NEDD4L: variants seen among roughly 807,000 people sequenced by gnomAD.
NEDD4L encodes the protein E3 ubiquitin-protein ligase NEDD4-like.
A neutral mutation model predicts 148.9 loss-of-function variants in NEDD4L; 54 were observed. The ratio of observed to expected loss-of-function variants is 0.36; its 90% confidence interval spans 0.29 to 0.45. NEDD4L has a LOEUF of 0.45. NEDD4L is among the 20% of genes least tolerant of loss of function. The pLI is 1.00. For synonymous variants in NEDD4L, 433 were observed against 440.7 expected (o/e 0.98, Z 0.22); for missense variants, 856 against 1,233.8 (o/e 0.69, Z 4.59).
At chr18:58,249,726 C>T (rs1431499602) in intron 4 of NEDD4L, among the ~76,000 whole-genome samples, 1 of 152,218 alleles carries the variant, frequency 6.6e-6, no homozygotes, top group Admixed American at 6.5e-5. Flanking sequence ...CCAGTATTGC[C>T]ATGAGGCCCA....
intron 1 of NEDD4L, among the ~76,000 whole-genome samples, chr18:58,079,741 T>G (rs946494417): frequency 6.6e-6 from 1 of 152,086 alleles, no homozygotes; most frequent in Non-Finnish European, 1.5e-5. Flanking sequence ...GGACTGGGAT[T>G]GTGGAGGTTT....
At chr18:58,145,411 T>C (rs893193177) in intron 1 of NEDD4L, among the ~76,000 whole-genome samples, 7 of 152,214 alleles carry the variant, frequency 4.6e-5, no homozygotes, top group Non-Finnish European at 8.8e-5. Context: ...CCTTGCTTGA[T>C]AGATACAGCT....
At chr18:58,367,111 A>T (rs537927828) in intron 21 of NEDD4L, 1 of 152,296 alleles carries the variant, frequency 6.6e-6, no homozygotes, top group Admixed American at 6.5e-5. Flanking sequence ...TCTTCTCCAC[A>T]TTTTCAAAGA....
chr18:58,108,474 G>T lies in NEDD4L; in HGVS notation c.49-57314G>T, dbSNP rs1028150768. ...TTCACTGTGTCGCCCAGGCTGGAGT[G>T]CAGTGGTGCGATCTCAGCTCACTGC... On this transcript the variant is annotated intron_variant, in intron 1 of 30. Transcript: ENST00000400345. 2.0e-5 allele frequency among the ~76,000 whole-genome samples: 3 copies of T among 152,268 alleles called. No homozygotes were observed. In the South Asian group the frequency reaches 6.2e-4, roughly 32 times the overall value.
chr18:58,142,874 T>A (rs2033701808), intron 1 of NEDD4L, among the ~76,000 whole-genome samples: 1 of 152,210 alleles, frequency 6.6e-6, no homozygotes, highest in African/African-American at 2.4e-5. Context: ...ATTAAGGGTC[T>A]TTATCTCAGA....
chr18:58,389,050 A>T, intron 27 of NEDD4L, 35 bp from the exon 28 acceptor site: 16 of 1,568,054 alleles, frequency 1.0e-5, no homozygotes, highest in Non-Finnish European at 1.4e-5. Flanking sequence ...CACCTTTCAC[A>T]TCCTGCTTTT....
At chr18:58,380,125 A>C (rs2146589709) in intron 24 of NEDD4L, among the ~76,000 whole-genome samples, 1 of 152,088 alleles carries the variant, frequency 6.6e-6, no homozygotes, top group South Asian at 2.1e-4. Context: ...AAATAAAGCC[A>C]GTATAATAAA....
At chr18:58,101,386 C>G (rs1294893949) in intron 1 of NEDD4L, among the ~76,000 whole-genome samples, 1 of 152,176 alleles carries the variant, frequency 6.6e-6, no homozygotes, top group Non-Finnish European at 1.5e-5. Context: ...GAACTCAGAA[C>G]AAGGCTTTTG....
intron 1 of NEDD4L, among the ~76,000 whole-genome samples, chr18:58,094,011 C>T (rs1374358042): frequency 2.0e-5 from 3 of 152,078 alleles, no homozygotes; most frequent in Non-Finnish European, 1.5e-5. Context: ...TTCCTCATTA[C>T]ACTGCCACAG....
At position 58,256,824 on chromosome 18, in the gene NEDD4L, T is replaced by G. The variant is rs1443970866; in HGVS notation, c.297+4770T>G. 3.3e-6 allele frequency: 4 copies of G among 1,223,176 alleles called. No homozygotes were observed. In the African/African-American group the frequency reaches 6.2e-5, roughly 19 times the overall value. The allele number at this position is 1,223,176 out of a possible 1,614,324, so 75.8% of individuals were successfully genotyped here. ...TGTTTACTGATTTCAACTTCGATGC[T>G]TACTCTGCGGCGTAACCAAAATAAA... On this transcript the variant is annotated intron_variant, in intron 5 of 30. Transcript: ENST00000400345. This position sits in a 1 kb window ranked among gnomAD's most constrained non-coding sequence, Gnocchi z 5.2.
At chr18:58,166,061 C>A (rs2036811634) in intron 2 of NEDD4L, among the ~76,000 whole-genome samples, 200 bp downstream of exon 2, 1 of 152,212 alleles carries the variant, frequency 6.6e-6, no homozygotes, top group African/African-American at 2.4e-5. Flanking sequence ...TCTGGACTTA[C>A]CATCACAACA....
chr18:58,215,130 C>T (rs1216104550), intron 2 of NEDD4L, among the ~76,000 whole-genome samples: 1 of 152,072 alleles, frequency 6.6e-6, no homozygotes, highest in African/African-American at 2.4e-5. Flanking sequence ...CGTGATATAT[C>T]TATGTGTGAG....
intron 1 of NEDD4L, among the ~76,000 whole-genome samples, chr18:58,146,235 G>A (rs571800097): frequency 3.2e-4 from 48 of 152,298 alleles, no homozygotes; most frequent in Admixed American, 2.0e-3. Flanking sequence ...AGACCTAGAC[G>A]CAGAAAAGGA....
intron 1 of NEDD4L, among the ~76,000 whole-genome samples, chr18:58,081,270 C>G (rs1738455206): frequency 7.4e-6 from 1 of 134,566 alleles, no homozygotes; most frequent in African/African-American, 3.0e-5. Flanking sequence ...GGCTGGAGTG[C>G]AGTGGCGCGA....
chr18:58,244,301 C>T (rs2046989026), intron 2 of NEDD4L, among the ~76,000 whole-genome samples: 1 of 152,176 alleles, frequency 6.6e-6, no homozygotes, highest in Non-Finnish European at 1.5e-5. Flanking sequence ...AGATTGAATA[C>T]ATGAGAGCCC....
chr18:58,237,271 C>T lies in NEDD4L; in HGVS notation c.123-8156C>T, dbSNP rs927274960. 2.0e-5 allele frequency among the ~76,000 whole-genome samples: 3 copies of T among 152,096 alleles called. No individual in the cohort carries two copies. The East Asian group carries it at 5.8e-4, about 29-fold the overall frequency. On this transcript the variant is annotated intron_variant, in intron 2 of 30. Transcript: ENST00000400345. ...AGTCCCTTGTGTATGGTGGATGCTC[C>T]TTGACTATCTGAGGAATAAAATCAA...
Position 58,131,362 on chromosome 18 carries a change from G to T in NEDD4L, c.49-34426G>T, listed in dbSNP as rs184461892. Among the ~76,000 whole-genome samples, 4 of 147,206 alleles carry T rather than the reference G, an allele frequency of 2.7e-5. 1 individual carries two copies. The highest frequency in any genetic ancestry group is 2.7e-4 in the Admixed American group (4 of 14,782). Reference sequence around the variant, plus strand: ...CCTCTGATCTAGCAGAACTGTGGTGGTGTTGGGCTCTGTTGGGGTTTGGTT... The same window carrying T: ...CCTCTGATCTAGCAGAACTGTGGTGTTGTTGGGCTCTGTTGGGGTTTGGTT... On this transcript the variant is annotated intron_variant, in intron 1 of 30. Transcript: ENST00000400345.
chr18:58,072,862 G>A (rs775595066), intron 1 of NEDD4L, among the ~76,000 whole-genome samples: 9 of 106,020 alleles, frequency 8.5e-5, no homozygotes, highest in African/African-American at 4.7e-4. Context: ...CCTAAGGCGC[G>A]CGCGCGCGCG....
At chr18:58,068,765 C>T (rs1197232445) in intron 1 of NEDD4L, among the ~76,000 whole-genome samples, 1 of 152,162 alleles carries the variant, frequency 6.6e-6, no homozygotes, top group Non-Finnish European at 1.5e-5. Flanking sequence ...CATGGCTCAG[C>T]CTTGATCCTG....
Sources: allele counts gnomAD v4.1 joint callset (sites outside exome capture counted in the v4.1 genomes callset), GRCh38; gene constraint gnomAD v4.1.1; non-coding constraint Gnocchi (gnomAD v3.1); transcripts MANE v1.5; gene names NCBI Gene and HGNC (gene_info 2026-07-23, HGNC 2026-07-21).